Variants in KLHL14 observed in about 807,000 individuals in gnomAD.
KLHL14 encodes the protein kelch like family member 14.
KLHL14 carries 22 observed loss-of-function variants against 64.3 expected under a neutral mutation model. That is an observed-to-expected ratio of 0.34 (90% confidence interval 0.24 to 0.49). The LOEUF is 0.49. KLHL14 is among the 20% of genes least tolerant of loss of function. KLHL14 has a pLI of 0.99. For missense variants in KLHL14, 661 were observed against 789.0 expected (o/e 0.84, Z 1.94); for synonymous variants, 322 against 333.4 (o/e 0.97, Z 0.37).
At chr18:32,764,096 T>TTAGATTAGTTTGCC (rs1337587220) in intron 2 of KLHL14, among the ~76,000 whole-genome samples, 2 of 152,202 alleles carry the variant, frequency 1.3e-5, no homozygotes, top group African/African-American at 4.8e-5. Flanking sequence ...TTCATTTAGT[T>TTAGATTAGTTTGCC]TAGATTAGTT....
intron 5 of KLHL14, among the ~76,000 whole-genome samples, chr18:32,685,312 C>A (rs1468928173): frequency 1.3e-5 from 2 of 152,160 alleles, no homozygotes; most frequent in African/African-American, 4.8e-5. Flanking sequence ...AGCAATACTT[C>A]CCATCCTTAG....
At chr18:32,731,671 G>T (rs1283571889) in intron 3 of KLHL14, among the ~76,000 whole-genome samples, 2 of 151,672 alleles carry the variant, frequency 1.3e-5, no homozygotes, top group Non-Finnish European at 1.5e-5. Context: ...TTTAAATGAG[G>T]TCTCTCTAAA....
chr18:32,751,061 A>G (rs2050248661), intron 2 of KLHL14, among the ~76,000 whole-genome samples: 1 of 152,086 alleles, frequency 6.6e-6, no homozygotes, highest in South Asian at 2.1e-4. Flanking sequence ...GAAAAATGTG[A>G]AAGGGGAATT....
Position 32,769,790 on chromosome 18 carries a change from G to T in KLHL14, c.802C>A (p.Leu268Ile). The T allele has an allele frequency of 6.2e-7, 1 of 1,610,786 alleles. No individual in the cohort carries two copies. The highest frequency in any genetic ancestry group is 8.5e-7 in the Non-Finnish European group (1 of 1,177,820). The change falls in exon 2 of 9, where the codon CTC (leucine) becomes ATC (isoleucine). Residue 268 changes from leucine to isoleucine, a missense_variant. Around this residue, in one of 2 missense-constraint regions of KLHL14, gnomAD observed 330 missense variants for 450.0 expected, o/e 0.73. Coordinates refer to ENST00000359358, the MANE Select transcript of KLHL14 (RefSeq NM_020805.3). ...TCCACCAGCTCCGGGGCCGGGATGAGGGCGAAGCGGAGGCGCTTCATGAGG... is the reference window on the plus strand; with the variant it reads ...TCCACCAGCTCCGGGGCCGGGATGATGGCGAAGCGGAGGCGCTTCATGAGG... ...PDLMKRLRFALIPAPELVERV... is the reference protein window; with the variant it reads ...PDLMKRLRFAIIPAPELVERV...
At chr18:32,711,823 T>C (rs2050020855) in intron 3 of KLHL14, among the ~76,000 whole-genome samples, 1 of 152,236 alleles carries the variant, frequency 6.6e-6, no homozygotes, top group Admixed American at 6.5e-5. Flanking sequence ...CTCTTGCCTC[T>C]TGCTTTATCC....
intron 8 of KLHL14, among the ~76,000 whole-genome samples, chr18:32,675,422 A>C (rs756600827): frequency 6.6e-6 from 1 of 152,180 alleles, no homozygotes; most frequent in Non-Finnish European, 1.5e-5. Flanking sequence ...AAAAGAAAAG[A>C]GAACAAATTT....
chr18:32,732,989 T>C (rs1034882693), intron 3 of KLHL14, among the ~76,000 whole-genome samples: 2 of 152,192 alleles, frequency 1.3e-5, no homozygotes, highest in African/African-American at 4.8e-5. Flanking sequence ...TTGGTTGCTG[T>C]TGGCTGGACT....
In KLHL14 at chr18:32,742,080, A is replaced by G. The variant is rs1265435129; in HGVS notation, c.948-31T>C. 2.5e-6 allele frequency: 4 copies of G among 1,607,968 alleles called. No homozygotes were observed. In the African/African-American group the frequency reaches 4.0e-5, roughly 16 times the overall value. On this transcript the variant is annotated intron_variant, in intron 2 of 8. Coordinates refer to ENST00000359358, the MANE Select transcript of KLHL14 (RefSeq NM_020805.3). ...CCCAAAACAAAAGAGGAGATGAATA[A>G]CCACATTACTGTAGAGTCTTTTTAG... is the stretch of plus-strand genomic sequence containing the variant.
chr18:32,715,693 C>A (rs1260187326), intron 3 of KLHL14, among the ~76,000 whole-genome samples: 1 of 152,122 alleles, frequency 6.6e-6, no homozygotes, highest in Non-Finnish European at 1.5e-5. Flanking sequence ...TACGGGTGAT[C>A]TTTTTTGATT....
intron 2 of KLHL14, among the ~76,000 whole-genome samples, chr18:32,761,194 C>T (rs2050311996): frequency 6.6e-6 from 1 of 152,150 alleles, no homozygotes; most frequent in South Asian, 2.1e-4. Context: ...TAACGTGGAG[C>T]CAGGCCACTC....
intron 2 of KLHL14, among the ~76,000 whole-genome samples, chr18:32,754,622 TTACTC>T (rs1375296535): frequency 9.2e-5 from 14 of 152,314 alleles, no homozygotes; most frequent in Admixed American, 2.6e-4. Context: ...ATTTCATTCT[TTACTC>T]TAACTCCAGG....
intron 3 of KLHL14, 81 bp downstream of exon 3, chr18:32,741,847 A>C (rs912876972): frequency 4.4e-6 from 6 of 1,353,428 alleles, no homozygotes; most frequent in Non-Finnish European, 5.9e-6. Context: ...TAATTTGATT[A>C]ACCATGTTTT....
chr18:32,726,392 G>A (rs1014660035), intron 3 of KLHL14, among the ~76,000 whole-genome samples: 14 of 152,168 alleles, frequency 9.2e-5, no homozygotes, highest in Non-Finnish European at 1.8e-4. Context: ...GGGAGGCAGA[G>A]GTGGGCGGAT....
chr18:32,715,415 A>C (rs922395172), intron 3 of KLHL14, among the ~76,000 whole-genome samples: 2 of 152,190 alleles, frequency 1.3e-5, no homozygotes, highest in Non-Finnish European at 2.9e-5. Flanking sequence ...TTAAGAGACA[A>C]ACATTTTAGA....
chr18:32,699,608 C>T (rs940792165), intron 3 of KLHL14, among the ~76,000 whole-genome samples: 4 of 152,118 alleles, frequency 2.6e-5, no homozygotes, highest in Non-Finnish European at 5.9e-5. Context: ...CCAACTCACG[C>T]TCTTATCCAT....
intron 3 of KLHL14, among the ~76,000 whole-genome samples, chr18:32,702,191 T>A (rs1386702640): frequency 6.6e-6 from 1 of 152,182 alleles, no homozygotes; most frequent in Non-Finnish European, 1.5e-5. Flanking sequence ...GGAAGCATCA[T>A]ACTGCTAGAA....
intron 3 of KLHL14, among the ~76,000 whole-genome samples, chr18:32,713,050 T>C (rs1371685356): frequency 6.6e-6 from 1 of 152,214 alleles, no homozygotes; most frequent in East Asian, 1.9e-4. Flanking sequence ...CATCCACACT[T>C]AATACTTTGT....
chr18:32,687,698 T>C (rs77916184), intron 4 of KLHL14, among the ~76,000 whole-genome samples: 4 of 152,184 alleles, frequency 2.6e-5, no homozygotes, highest in African/African-American at 9.7e-5. Context: ...TTCTTTCTTT[T>C]CAGAAAAAAT....
At chr18:32,747,605 C>G (rs1276230194) in intron 2 of KLHL14, among the ~76,000 whole-genome samples, 1 of 152,188 alleles carries the variant, frequency 6.6e-6, no homozygotes, top group Non-Finnish European at 1.5e-5. Context: ...TAGAGAGCAG[C>G]TGTAAATACA....
Sources: allele counts gnomAD v4.1 joint callset (sites outside exome capture counted in the v4.1 genomes callset), GRCh38; gene constraint gnomAD v4.1.1; regional missense constraint gnomAD v4.1.1; transcripts MANE v1.5; gene names NCBI Gene and HGNC (gene_info 2026-07-23, HGNC 2026-07-21).